KDM2A: variants seen among roughly 807,000 people sequenced by gnomAD.
The protein encoded by KDM2A is lysine demethylase 2A, also known as lysine-specific demethylase 2A.
KDM2A carries 3 observed loss-of-function variants against 137.3 expected under a neutral mutation model. That is an observed-to-expected ratio of 0.02 (90% CI 0.01 to 0.06). KDM2A has a LOEUF of 0.06. Ranked by LOEUF, KDM2A falls within the 10% of genes least tolerant of loss-of-function variation. The pLI, the probability that KDM2A is intolerant of heterozygous loss-of-function variation, is 1.00. For synonymous variants in KDM2A, 512 were observed against 541.5 expected (o/e 0.95, Z 0.76); for missense variants, 738 against 1,510.6 (o/e 0.49, Z 8.48).
intron 10 of KDM2A, among the ~76,000 whole-genome samples, chr11:67,223,497 G>A (rs925369178): frequency 2.0e-5 from 3 of 151,980 alleles, no homozygotes; most frequent in African/African-American, 2.4e-5. Context: ...CAACCTCGTA[G>A]GCTCAAGTGA....
rs1370720853 is a variant in KDM2A, at chr11:67,257,413, G to A, written c.*2358G>A. On this transcript the variant is annotated 3_prime_UTR_variant, in exon 21 of 21. Transcript: ENST00000529006. ...GAGGTGAGGGTTGGTCCATGTGGAGGAAAGAAGTGTCTCTGTTGGGGGACA... is the reference window on the plus strand; with the variant it reads ...GAGGTGAGGGTTGGTCCATGTGGAGAAAAGAAGTGTCTCTGTTGGGGGACA... The A allele has an allele frequency of 6.6e-6, 1 of 152,586 alleles. No homozygotes were observed. Among genetic ancestry groups the A allele is most frequent in the Non-Finnish European group, 1.5e-5 (1 of 68,040 alleles). The allele number at this position is 152,586 out of a possible 1,614,324, so 9.5% of individuals were successfully genotyped here.
intron 7 of KDM2A, 153 bp from the exon 8 acceptor site, chr11:67,215,703 T>G: frequency 2.8e-6 from 2 of 707,340 alleles, no homozygotes; most frequent in Non-Finnish European, 2.5e-6. Flanking sequence ...TCTGATAATG[T>G]GATGACTTGA....
chr11:67,233,050 C>T (rs899083304), intron 12 of KDM2A, among the ~76,000 whole-genome samples: 1 of 152,082 alleles, frequency 6.6e-6, no homozygotes, highest in Non-Finnish European at 1.5e-5. Context: ...TAAGTCTTTC[C>T]TCCTAAGTAA....
intron 17 of KDM2A, among the ~76,000 whole-genome samples, chr11:67,251,839 A>G (rs535126231): frequency 6.6e-6 from 1 of 152,320 alleles, no homozygotes; most frequent in South Asian, 2.1e-4. Context: ...CCAAATCTGA[A>G]TTAATGTATA....
chr11:67,157,603 G>C (rs1391610511), intron 2 of KDM2A, among the ~76,000 whole-genome samples: 1 of 151,740 alleles, frequency 6.6e-6, no homozygotes, highest in Non-Finnish European at 1.5e-5. Context: ...AAATTAGCCA[G>C]ACACAGTGGC....
chr11:67,227,738 T>C (rs1858593062), intron 10 of KDM2A, among the ~76,000 whole-genome samples: 1 of 152,098 alleles, frequency 6.6e-6, no homozygotes, highest in Non-Finnish European at 1.5e-5. Context: ...ACCTGGCTAA[T>C]TTTTGTATTT....
chr11:67,199,148 G>A (rs1201849768), intron 5 of KDM2A, among the ~76,000 whole-genome samples: 1 of 152,114 alleles, frequency 6.6e-6, no homozygotes, highest in Non-Finnish European at 1.5e-5. Context: ...ATATAGGAGA[G>A]CAGACTTGAA....
chr11:67,133,753 G>C (rs976978947), intron 2 of KDM2A, among the ~76,000 whole-genome samples: 3 of 150,686 alleles, frequency 2.0e-5, no homozygotes, highest in East Asian at 2.0e-4. Context: ...CTAGGCTGAC[G>C]TGCAGTGGCG....
At chr11:67,178,665 T>G (rs1332327187) in intron 2 of KDM2A, among the ~76,000 whole-genome samples, 1 of 152,210 alleles carries the variant, frequency 6.6e-6, no homozygotes. Flanking sequence ...GACTGGCTTT[T>G]TTTTTATTTG....
At chr11:67,207,715 G>T in intron 6 of KDM2A, 27 bp downstream of exon 6, 1 of 1,542,810 alleles carries the variant, frequency 6.5e-7, no homozygotes, top group Non-Finnish European at 8.8e-7. Flanking sequence ...TCTTCATATT[G>T]TCATTGTCAC....
chr11:67,221,062 TCATAAAAA>T, intron 10 of KDM2A, among the ~76,000 whole-genome samples: 1 of 150,536 alleles, frequency 6.6e-6, no homozygotes, highest in African/African-American at 2.4e-5. Context: ...TTCACAGGAA[TCATAAAAA>T]GAGGCAGCAG....
In KDM2A at chr11:67,257,770, TTTAAA is replaced by T. The variant is rs1188846486; in HGVS notation, c.*2722_*2726del. 2.0e-5 allele frequency: 3 copies of T among 152,148 alleles called. No homozygotes were observed. Among genetic ancestry groups the T allele is most frequent in the African/African-American group, 2.4e-5 (1 of 41,436 alleles). 9.4% of individuals were successfully genotyped at this position (152,148 alleles called of 1,614,324 possible). A position where few individuals can be genotyped will look rare whatever the true frequency, so the allele number is the denominator to read the frequency against. Reference sequence around the variant, plus strand: ...CAATCTCCAATGTTGTGCTAAAAAGTTTAAATTAAATGTAAGCATTAAGGGGATAA... The same window carrying T: ...CAATCTCCAATGTTGTGCTAAAAAGTTTAAATGTAAGCATTAAGGGGATAA... On this transcript the variant is annotated 3_prime_UTR_variant, in exon 21 of 21. Coordinates refer to ENST00000529006, the MANE Select transcript of KDM2A (RefSeq NM_012308.3).
At chr11:67,137,044 A>C (rs1313102181) in intron 2 of KDM2A, among the ~76,000 whole-genome samples, 1 of 152,214 alleles carries the variant, frequency 6.6e-6, no homozygotes, top group Non-Finnish European at 1.5e-5. Flanking sequence ...TGAGACCTAA[A>C]GGGTGACTAG....
At chr11:67,171,292 A>T (rs775483478) in intron 2 of KDM2A, among the ~76,000 whole-genome samples, 1 of 152,232 alleles carries the variant, frequency 6.6e-6, no homozygotes, top group African/African-American at 2.4e-5. Flanking sequence ...AGGACAGACG[A>T]GGCCGAGTCT....
At position 67,255,749 on chromosome 11, in the gene KDM2A, T is replaced by G. The variant is rs1211498419; in HGVS notation, c.*694T>G. 1 of 356,286 alleles carries G rather than the reference T, an allele frequency of 2.8e-6. No homozygotes were observed. Among genetic ancestry groups the G allele is most frequent in the Non-Finnish European group, 5.6e-6 (1 of 177,948 alleles). The allele number at this position is 356,286 out of a possible 1,614,324, so 22.1% of individuals were successfully genotyped here. On this transcript the variant is annotated 3_prime_UTR_variant, in exon 21 of 21. Transcript: ENST00000529006. ...AGTCTCTATGAGGTCCTTATTGCACTTATTGGGGTTGAAGCTCTTCAGAGG... is the reference window on the plus strand; with the variant it reads ...AGTCTCTATGAGGTCCTTATTGCACGTATTGGGGTTGAAGCTCTTCAGAGG...
intron 5 of KDM2A, among the ~76,000 whole-genome samples, chr11:67,202,084 C>T (rs549286740): frequency 3.3e-5 from 5 of 152,086 alleles, no homozygotes; most frequent in Admixed American, 3.3e-4. Flanking sequence ...TTCAAGACTT[C>T]AGTGGAGGAA....
intron 2 of KDM2A, among the ~76,000 whole-genome samples, chr11:67,141,900 T>A (rs1488776488): frequency 6.6e-6 from 1 of 151,892 alleles, no homozygotes. Flanking sequence ...AGTTCTTTAA[T>A]ATTTGAGTGA....
intron 17 of KDM2A, 101 bp from the exon 18 acceptor site, chr11:67,252,593 G>GCCT (rs779949840): frequency 6.3e-6 from 8 of 1,279,102 alleles, no homozygotes; most frequent in Middle Eastern, 1.8e-4. Context: ...AGAAGAACGA[G>GCCT]CCTCCAGGTA....
intron 5 of KDM2A, chr11:67,196,101 G>A (rs555173805): frequency 2.4e-4 from 95 of 389,188 alleles, no homozygotes; most frequent in African/African-American, 1.8e-3. Flanking sequence ...CATAATTGTC[G>A]GTCATAAATT....
Sources: allele counts gnomAD v4.1 joint callset (sites outside exome capture counted in the v4.1 genomes callset), GRCh38; gene constraint gnomAD v4.1.1; transcripts MANE v1.5; gene names NCBI Gene and HGNC (gene_info 2026-07-23, HGNC 2026-07-21).